Variants in RXFP2 observed in about 807,000 individuals in gnomAD.
RXFP2 encodes relaxin family peptide receptor 2.
Under a neutral mutation model 88.6 loss-of-function variants are expected in RXFP2, and 68 were observed. The ratio of observed to expected loss-of-function variants is 0.77; its 90% CI spans 0.63 to 0.94. The LOEUF is 0.94. RXFP2 is among the 40% of genes least tolerant of loss of function. The pLI is 0.00. For missense variants in RXFP2, 791 were observed against 893.9 expected (o/e 0.88, Z 1.47); for synonymous variants, 329 against 306.8 (o/e 1.07, Z -0.76).
At chr13:31,753,309 A>T (rs1871759144) in intron 1 of RXFP2, among the ~76,000 whole-genome samples, 1 of 152,236 alleles carries the variant, frequency 6.6e-6, no homozygotes, top group South Asian at 2.1e-4. Context: ...AGCCTTGAGC[A>T]GCAATCCAGT....
At chr13:31,742,185 T>C (rs1871246832) in intron 1 of RXFP2, among the ~76,000 whole-genome samples, 1 of 152,222 alleles carries the variant, frequency 6.6e-6, no homozygotes, top group South Asian at 2.1e-4. Flanking sequence ...GCATTGAGGC[T>C]GCTACTTGGC....
chr13:31,773,360 C>T (rs1287213758), intron 5 of RXFP2, among the ~76,000 whole-genome samples: 1 of 151,694 alleles, frequency 6.6e-6, no homozygotes, highest in Non-Finnish European at 1.5e-5. Flanking sequence ...GGAAAATGAC[C>T]GTATTTGTAA....
chr13:31,793,222 AG>A (rs1201436374), intron 16 of RXFP2, 134 bp downstream of exon 16: 2 of 782,958 alleles, frequency 2.6e-6, no homozygotes, highest in African/African-American at 3.5e-5. Flanking sequence ...CACACAAAAA[AG>A]TTTTTACTAT....
chr13:31,782,783 T>C (rs771851993), intron 11 of RXFP2, 36 bp downstream of exon 11: 5 of 1,294,034 alleles, frequency 3.9e-6, no homozygotes, highest in Non-Finnish European at 5.6e-6. Context: ...ATATGATTGC[T>C]TCTTCCGAGA....
intron 16 of RXFP2, among the ~76,000 whole-genome samples, chr13:31,793,648 T>C (rs900990778): frequency 6.6e-6 from 1 of 152,210 alleles, no homozygotes; most frequent in Non-Finnish European, 1.5e-5. Flanking sequence ...CTCTGTGTTC[T>C]TTAGAAATGA....
At chr13:31,761,525 A>C (rs1872299802) in intron 2 of RXFP2, among the ~76,000 whole-genome samples, 199 bp from the exon 3 acceptor site, 1 of 152,242 alleles carries the variant, frequency 6.6e-6, no homozygotes, top group South Asian at 2.1e-4. Context: ...TGATACATAC[A>C]TTTGGAGTAT....
intron 1 of RXFP2, among the ~76,000 whole-genome samples, chr13:31,743,282 A>G (rs1035343520): frequency 1.3e-5 from 2 of 152,074 alleles, no homozygotes; most frequent in African/African-American, 2.4e-5. Context: ...AGCCTGGAAA[A>G]CATGGTGAAA....
chr13:31,755,319 G>A (rs182843068), intron 1 of RXFP2, among the ~76,000 whole-genome samples: 164 of 152,178 alleles, frequency 1.1e-3, no homozygotes, highest in African/African-American at 3.8e-3. Flanking sequence ...AATGATCAAA[G>A]CTCATCCCAC....
chr13:31,797,297 A>G lies in RXFP2; in HGVS notation c.1883A>G (p.Asn628Ser), dbSNP rs1200689656. Residue 628 changes from asparagine (N) to serine (S), a missense_variant, in exon 17 of 18, where the codon AAT becomes AGT. Coordinates refer to ENST00000298386, the MANE Select transcript of RXFP2 (RefSeq NM_130806.5). ...GCCTTGCAGACCACAGAAGTAAGGA[A>G]TTGTTTTGGAAGAGAGGTGGCTGTT... The part of the protein sequence containing the change: ...KTALQTTEVR[N>S]CFGREVAVAN... 1 of 1,613,992 alleles carries G rather than the reference A, an allele frequency of 6.2e-7. No homozygotes were observed. The highest frequency in any genetic ancestry group is 1.7e-5 in the Admixed American group (1 of 60,022).
At chr13:31,756,894 C>T (rs1029103421) in intron 1 of RXFP2, among the ~76,000 whole-genome samples, 1 of 152,114 alleles carries the variant, frequency 6.6e-6, no homozygotes, top group East Asian at 1.9e-4. Flanking sequence ...GCTGGGATTA[C>T]AGGCGTGAGC....
At chr13:31,759,440 A>G (rs902451844) in intron 2 of RXFP2, among the ~76,000 whole-genome samples, 1 of 134,362 alleles carries the variant, frequency 7.4e-6, no homozygotes, top group Admixed American at 7.3e-5. Context: ...AAAGAAAGAA[A>G]GAAAGATACT....
intron 16 of RXFP2, among the ~76,000 whole-genome samples, chr13:31,794,844 G>A (rs1010964200): frequency 6.6e-6 from 1 of 151,644 alleles, no homozygotes; most frequent in Non-Finnish European, 1.5e-5. Context: ...TCGGCCCAAA[G>A]GAGTTAAGTA....
intron 7 of RXFP2, among the ~76,000 whole-genome samples, chr13:31,776,097 T>TTTCC (rs1566227779): frequency 7.1e-5 from 8 of 112,908 alleles, no homozygotes; most frequent in Admixed American, 4.4e-4. Flanking sequence ...TCTTTCTTTC[T>TTTCC]TTTCTTTTCT....
At chr13:31,801,169 A>G (rs1273705955) in intron 17 of RXFP2, among the ~76,000 whole-genome samples, 2 of 152,080 alleles carry the variant, frequency 1.3e-5, no homozygotes, top group Non-Finnish European at 2.9e-5. Flanking sequence ...GAAGGAGGAG[A>G]GCAGAGGATG....
At chr13:31,781,238 C>G (rs1474553089) in intron 9 of RXFP2, among the ~76,000 whole-genome samples, 1 of 152,128 alleles carries the variant, frequency 6.6e-6, no homozygotes, top group Non-Finnish European at 1.5e-5. Context: ...TCAGTTCTAC[C>G]ACTTACTAGC....
At chr13:31,794,570 A>G (rs1484323338) in intron 16 of RXFP2, among the ~76,000 whole-genome samples, 1 of 152,188 alleles carries the variant, frequency 6.6e-6, no homozygotes, top group Admixed American at 6.5e-5. Flanking sequence ...CATCACACAC[A>G]GGCTGATAAA....
At chr13:31,779,007 A>G (rs1873130693) in intron 9 of RXFP2, among the ~76,000 whole-genome samples, 1 of 152,170 alleles carries the variant, frequency 6.6e-6, no homozygotes, top group Non-Finnish European at 1.5e-5. Context: ...CAGTTTCAGC[A>G]GCCACCTATG....
intron 13 of RXFP2, among the ~76,000 whole-genome samples, chr13:31,787,785 G>A (rs1480351275): frequency 1.4e-4 from 22 of 152,254 alleles, no homozygotes; most frequent in East Asian, 1.2e-3. Flanking sequence ...GATTACAGGC[G>A]AACGCCGCCA....
chr13:31,752,779 C>G (rs1871730117), intron 1 of RXFP2, among the ~76,000 whole-genome samples: 1 of 152,140 alleles, frequency 6.6e-6, no homozygotes, highest in Non-Finnish European at 1.5e-5. Context: ...TGGAGCCGCC[C>G]GGGACAGTGC....
Sources: allele counts gnomAD v4.1 joint callset (sites outside exome capture counted in the v4.1 genomes callset), GRCh38; gene constraint gnomAD v4.1.1; transcripts MANE v1.5; gene names NCBI Gene and HGNC (gene_info 2026-07-23, HGNC 2026-07-21).